Variants in EFCAB6 observed in about 807,000 individuals in gnomAD.
EFCAB6 encodes EF-hand calcium binding domain 6, also known as EF-hand calcium-binding domain-containing protein 6.
In EFCAB6, 156 loss-of-function variants were observed where a neutral mutation model predicts 169.8. The observed-to-expected ratio is 0.92, with a 90% CI of 0.81 to 1.05. The LOEUF (loss-of-function observed/expected upper bound fraction) is 1.05, where lower values mean the gene tolerates loss of function less well. Ranked by LOEUF, EFCAB6 falls within the 50% of genes least tolerant of loss-of-function variation. EFCAB6 has a pLI of 0.00. For missense variants in EFCAB6, 1,800 were observed against 1,829.1 expected (o/e 0.98, Z 0.29); for synonymous variants, 698 against 676.4 (o/e 1.03, Z -0.50).
intron 12 of EFCAB6, among the ~76,000 whole-genome samples, chr22:43,682,162 G>T (rs1349982906): frequency 1.3e-5 from 2 of 152,102 alleles, no homozygotes; most frequent in African/African-American, 2.4e-5. Context: ...GATGGGAGGG[G>T]AGGGGAATCT....
chr22:43,622,040 C>T (rs1022682592), intron 20 of EFCAB6, among the ~76,000 whole-genome samples: 2 of 152,122 alleles, frequency 1.3e-5, no homozygotes, highest in South Asian at 4.2e-4. Context: ...TTTATAGGTA[C>T]AAGCCTTCCA....
rs770322108 is a variant in EFCAB6 at position 43,590,129 on chromosome 22, G to C, written c.2977C>G (p.Leu993Val). ...YISICKMQEV[L>V]EECGCSLTEG... Reference sequence around the variant, plus strand: ...GTAAGAGAACATCCACATTCTTCCAGCACTTCCTGCATCTTGCATATGGAT... The same window carrying C: ...GTAAGAGAACATCCACATTCTTCCACCACTTCCTGCATCTTGCATATGGAT... The change falls in exon 24 of 32, where the codon CTG becomes GTG. Residue 993 changes from leucine to valine, a missense_variant. Physicochemically the swap from Leu to Val is conservative, Grantham distance 32. Transcript: ENST00000262726. 1.1e-5 allele frequency: 17 copies of C among 1,614,160 alleles called. No individual in the cohort carries two copies. In the South Asian group the frequency reaches 1.8e-4, roughly 17 times the overall value.
intron 23 of EFCAB6, among the ~76,000 whole-genome samples, chr22:43,598,310 G>GAAAACAAAAAA (rs1402967848): frequency 1.7e-5 from 1 of 57,660 alleles, no homozygotes; most frequent in African/African-American, 5.4e-5. Context: ...ACTGTCTCCG[G>GAAAACAAAAAA]GAAAAAAAAA....
intron 17 of EFCAB6, among the ~76,000 whole-genome samples, chr22:43,644,974 G>A (rs1288011892): frequency 6.6e-6 from 1 of 152,166 alleles, no homozygotes; most frequent in Non-Finnish European, 1.5e-5. Flanking sequence ...CTCTTCGGGG[G>A]TTTCCTTTCA....
At chr22:43,561,199 A>T (rs985269611) in intron 26 of EFCAB6, among the ~76,000 whole-genome samples, 20 of 151,984 alleles carry the variant, frequency 1.3e-4, no homozygotes, top group Non-Finnish European at 2.6e-4. Context: ...TTTACCAAAA[A>T]TACAAAAATT....
At chr22:43,696,084 T>C (rs1427176897) in intron 10 of EFCAB6, among the ~76,000 whole-genome samples, 1 of 151,858 alleles carries the variant, frequency 6.6e-6, no homozygotes, top group African/African-American at 2.4e-5. Context: ...ATACTCAGAG[T>C]ATATAAAGAA....
At chr22:43,704,157 C>A (rs1041818969) in intron 10 of EFCAB6, among the ~76,000 whole-genome samples, 3 of 151,870 alleles carry the variant, frequency 2.0e-5, no homozygotes. Flanking sequence ...AAAGAGGTCC[C>A]AACATGACTA....
chr22:43,683,664 G>A (rs1603202920), intron 12 of EFCAB6, 83 bp downstream of exon 12: 3 of 965,580 alleles, frequency 3.1e-6, no homozygotes, highest in Admixed American at 3.6e-5. Flanking sequence ...GAACGAATAT[G>A]GAGTTGTTAT....
intron 17 of EFCAB6, among the ~76,000 whole-genome samples, chr22:43,639,892 G>T (rs1053775172): frequency 6.6e-6 from 1 of 151,772 alleles, no homozygotes; most frequent in African/African-American, 2.4e-5. Context: ...CTATCCTCGG[G>T]CTCATTGACT....
At chr22:43,621,817 A>G (rs2054133903) in intron 20 of EFCAB6, among the ~76,000 whole-genome samples, 1 of 152,170 alleles carries the variant, frequency 6.6e-6, no homozygotes, top group Non-Finnish European at 1.5e-5. Context: ...GAAAGGAGAA[A>G]AGAGATCAAC....
intron 23 of EFCAB6, 89 bp from the exon 24 acceptor site, chr22:43,590,318 A>G: frequency 6.9e-7 from 1 of 1,442,120 alleles, no homozygotes; most frequent in Non-Finnish European, 9.4e-7. Flanking sequence ...TTCTAATGCA[A>G]TGAGCTGATG....
At chr22:43,680,220 T>TC (rs1244606628) in intron 12 of EFCAB6, among the ~76,000 whole-genome samples, 1 of 152,150 alleles carries the variant, frequency 6.6e-6, no homozygotes, top group Non-Finnish European at 1.5e-5. Flanking sequence ...TATTTTCCTT[T>TC]CCCCCACTGA....
intron 19 of EFCAB6, among the ~76,000 whole-genome samples, chr22:43,629,337 G>C (rs1407685609): frequency 6.6e-6 from 1 of 152,174 alleles, no homozygotes; most frequent in African/African-American, 2.4e-5. Flanking sequence ...CTAGAGGTGT[G>C]GCTTTGTGTC....
At chr22:43,636,681 G>A (rs2055425984) in intron 17 of EFCAB6, among the ~76,000 whole-genome samples, 1 of 150,416 alleles carries the variant, frequency 6.6e-6, no homozygotes, top group Admixed American at 6.6e-5. Flanking sequence ...TGCTACCTAG[G>A]TGCACTGTAA....
At chr22:43,669,176 T>G (rs1274671702) in intron 15 of EFCAB6, 131 bp from the exon 16 acceptor site, 1 of 716,584 alleles carries the variant, frequency 1.4e-6, no homozygotes, top group Non-Finnish European at 2.1e-6. Context: ...TGTAAAATGG[T>G]ACAACCACTC....
At chr22:43,675,154 TTATAA>T in intron 13 of EFCAB6, among the ~76,000 whole-genome samples, 1 of 147,578 alleles carries the variant, frequency 6.8e-6, no homozygotes, top group South Asian at 2.1e-4. Context: ...TATAACTAAA[TTATAA>T]TATAGTAATA....
At chr22:43,590,356 GT>G in intron 23 of EFCAB6, 127 bp from the exon 24 acceptor site, 1 of 1,058,758 alleles carries the variant, frequency 9.4e-7, no homozygotes, top group Non-Finnish European at 1.3e-6. Flanking sequence ...TTTTGAAGAT[GT>G]TTTACAGCCT....
Position 43,683,775 on chromosome 22 carries a change from A to G in EFCAB6, c.1223T>C (p.Leu408Pro). ...FRHTEDHSAS[L>P]KKALLIINTK... The stretch of plus-strand genomic sequence containing the variant: ...GTTGATTATCAGTAATGCTTTCTTC[A>G]GTGACGCAGAGTGATCTTCAGTGTG... Residue 408 changes from leucine to proline, a missense_variant, in exon 12 of 32, where the codon CTG becomes CCG. Transcript: ENST00000262726. 6.2e-7 allele frequency: 1 copy of G among 1,613,096 alleles called. No homozygotes were observed. Among genetic ancestry groups the G allele is most frequent in the Non-Finnish European group, 8.5e-7 (1 of 1,179,084 alleles).
At chr22:43,599,239 G>A (rs2052293050) in intron 23 of EFCAB6, among the ~76,000 whole-genome samples, 3 of 152,092 alleles carry the variant, frequency 2.0e-5, no homozygotes, top group South Asian at 2.1e-4. Context: ...CTTTGTTGTC[G>A]TTGTGCTGTT....
Sources: gnomAD v4.1 joint callset for allele counts (sites outside exome capture counted in the v4.1 genomes callset) on GRCh38, gnomAD v4.1.1 for gene constraint, MANE v1.5 for transcripts, NCBI Gene and HGNC (gene_info 2026-07-23, HGNC 2026-07-21) for gene names.